The following AMPH variants were observed in gnomAD, a reference collection of about 807,000 sequenced individuals.
AMPH encodes amphiphysin (Stiff-Mann syndrome with breast cancer 128kD autoantigen).
A neutral mutation model predicts 99.1 loss-of-function variants in AMPH; 49 were observed. The ratio of observed to expected loss-of-function variants is 0.49; its 90% CI spans 0.39 to 0.63. The LOEUF (loss-of-function observed/expected upper bound fraction) is 0.63. Ranked by LOEUF, AMPH falls within the 20% of genes least tolerant of loss-of-function variation. The probability of loss-of-function intolerance (pLI) is 0.00; values close to 1 mark genes in which losing one functional copy is unlikely to be tolerated. For synonymous variants in AMPH, 314 were observed against 317.3 expected, an observed-to-expected ratio of 0.99 and a Z score of 0.11; for missense variants, 759 against 863.4, an observed-to-expected ratio of 0.88 and a Z score of 1.52.
intron 2 of AMPH, among the ~76,000 whole-genome samples, chr7:38,507,308 G>C (rs1789363499): frequency 6.6e-6 from 1 of 152,084 alleles, no homozygotes; most frequent in Non-Finnish European, 1.5e-5. Context: ...AAATTAAGCA[G>C]ATAAACTAAA....
At chr7:38,576,839 T>C (rs1176843167) in intron 1 of AMPH, among the ~76,000 whole-genome samples, 2 of 152,140 alleles carry the variant, frequency 1.3e-5, no homozygotes, top group African/African-American at 2.4e-5. Flanking sequence ...TAATCAACAG[T>C]TGTGTGACCT....
At chr7:38,616,309 C>G (rs1024235350) in intron 1 of AMPH, among the ~76,000 whole-genome samples, 3 of 151,870 alleles carry the variant, frequency 2.0e-5, no homozygotes, top group African/African-American at 7.3e-5. Context: ...CATGGGGATG[C>G]AGGAGTGAAA....
chr7:38,500,403 A>T (rs914464359), intron 3 of AMPH, among the ~76,000 whole-genome samples: 1 of 152,206 alleles, frequency 6.6e-6, no homozygotes, highest in Non-Finnish European at 1.5e-5. Flanking sequence ...TTTCTCCGTC[A>T]TATGGAGCTG....
chr7:38,442,764 C>T lies in AMPH; in HGVS notation c.1018-6376G>A, dbSNP rs371144476. 1.1e-4 allele frequency among the ~76,000 whole-genome samples: 16 copies of T among 150,992 alleles called. No individual in the cohort carries two copies. In the East Asian group the frequency reaches 2.3e-3, roughly 22 times the overall value. On this transcript the variant is annotated intron_variant, in intron 11 of 20. Coordinates refer to ENST00000356264, the MANE Select transcript of AMPH (RefSeq NM_001635.4). ...AACAAAAAGGTCCGAAATTATTAACCTCACCTTCTTTTTACCCTGAATATA... is the reference window on the plus strand; with the variant it reads ...AACAAAAAGGTCCGAAATTATTAACTTCACCTTCTTTTTACCCTGAATATA...
At chr7:38,620,336 A>ATGTGTGTGTGTGTGTG (rs3056281) in intron 1 of AMPH, among the ~76,000 whole-genome samples, 16 of 145,622 alleles carry the variant, frequency 1.1e-4, no homozygotes, top group Non-Finnish European at 2.4e-4. Flanking sequence ...AGATATATAT[A>ATGTGTGTGTGTGTGTG]TGTGTGTGTG....
chr7:38,490,275 A>G (rs964710560), intron 5 of AMPH, among the ~76,000 whole-genome samples: 1 of 152,182 alleles, frequency 6.6e-6, no homozygotes, highest in African/African-American at 2.4e-5. Context: ...TAATATGGTA[A>G]CATCATCGAA....
At chr7:38,617,215 C>T (rs1275381887) in intron 1 of AMPH, among the ~76,000 whole-genome samples, 1 of 152,140 alleles carries the variant, frequency 6.6e-6, no homozygotes, top group African/African-American at 2.4e-5. Context: ...TGATCTACAC[C>T]CAAACTCTAC....
intron 1 of AMPH, among the ~76,000 whole-genome samples, chr7:38,612,835 G>A (rs1169243734): frequency 6.6e-6 from 1 of 152,116 alleles, no homozygotes; most frequent in African/African-American, 2.4e-5. Flanking sequence ...TCCCCATTTG[G>A]TTCAAATAGA....
At position 38,394,120 on chromosome 7, in the gene AMPH, G is replaced by A; in HGVS notation, c.1493C>T (p.Thr498Ile). 1 of 1,614,196 alleles carries A rather than the reference G, an allele frequency of 6.2e-7. No homozygotes were observed. Among genetic ancestry groups the A allele is most frequent in the Non-Finnish European group, 8.5e-7 (1 of 1,180,026 alleles). The change falls in exon 18 of 21, where the codon ACT (threonine) becomes ATT (isoleucine). Residue 498 changes from threonine (T) to isoleucine (I), a missense_variant. Physicochemically the swap from Thr to Ile is moderately conservative, Grantham distance 89 (BLOSUM62 -1). Transcript: ENST00000356264. ...ACTTACTCCTTCCCCGGCAGGGACAGTGGCCTTCTCCGCCTCTGCTTCCTC... is the reference window on the plus strand; with the variant it reads ...ACTTACTCCTTCCCCGGCAGGGACAATGGCCTTCTCCGCCTCTGCTTCCTC... ...PGEEAEAEKA[T>I]VPAGEGVSLE...
rs966202104 is a variant in AMPH at position 38,577,368 on chromosome 7, G to A, written c.70-42357C>T. On this transcript the variant is annotated intron_variant, in intron 1 of 20. Transcript: ENST00000356264. Reference sequence around the variant, plus strand: ...GTTACAAGTTCTCATACGAGTCTTCGCTTCTCCATAAGCAGATGCTAAGAA... The same window carrying A: ...GTTACAAGTTCTCATACGAGTCTTCACTTCTCCATAAGCAGATGCTAAGAA... Among the ~76,000 whole-genome samples, 5 of 152,172 alleles carry A rather than the reference G, an allele frequency of 3.3e-5. No individual in the cohort carries two copies. In the East Asian group the frequency reaches 5.8e-4, roughly 18 times the overall value.
chr7:38,506,549 A>T (rs1411090260), intron 2 of AMPH, among the ~76,000 whole-genome samples: 2 of 152,122 alleles, frequency 1.3e-5, no homozygotes, highest in African/African-American at 4.8e-5. Context: ...TATAGACCCA[A>T]ACCAATCTAA....
intron 2 of AMPH, among the ~76,000 whole-genome samples, chr7:38,515,987 T>A (rs1183522511): frequency 2.0e-5 from 3 of 151,920 alleles, no homozygotes; most frequent in Admixed American, 1.3e-4. Context: ...ATGTTCAAGA[T>A]TTCACCTGGC....
At chr7:38,387,183 G>A (rs1219570674) in intron 20 of AMPH, among the ~76,000 whole-genome samples, 1 of 152,170 alleles carries the variant, frequency 6.6e-6, no homozygotes, top group Non-Finnish European at 1.5e-5. Context: ...AGAAAACAGA[G>A]TCAGACTCTT....
rs544036143 is a variant in AMPH at position 38,610,234 on chromosome 7, CA to C, written c.69+21048del. Among the ~76,000 whole-genome samples the C allele has an allele frequency of 6.2e-3, 38 of 6,128 alleles. 5 individuals are homozygous for C. Among genetic ancestry groups the C allele is most frequent in the South Asian group, 0.02 (2 of 98 alleles). 4.0% of individuals were successfully genotyped at this position (6,128 alleles called of 152,430 possible). A position where few individuals can be genotyped will look rare whatever the true frequency, so the allele number is the denominator to read the frequency against. ...CCGGGCAACAAAAGCTAAGCTCTCTCAAAAAAAAAAAAAAAAAAAAAAAAAA... is the reference window on the plus strand; with the variant it reads ...CCGGGCAACAAAAGCTAAGCTCTCTCAAAAAAAAAAAAAAAAAAAAAAAAA... On this transcript the variant is annotated intron_variant, in intron 1 of 20. Transcript: ENST00000356264.
chr7:38,448,163 G>C (rs557316905), intron 11 of AMPH, among the ~76,000 whole-genome samples: 3 of 152,124 alleles, frequency 2.0e-5, no homozygotes, highest in African/African-American at 2.4e-5. Context: ...GTTTACCTTC[G>C]TGGTTAGAAG....
At chr7:38,512,213 T>C (rs1413729604) in intron 2 of AMPH, among the ~76,000 whole-genome samples, 1 of 152,224 alleles carries the variant, frequency 6.6e-6, no homozygotes, top group African/African-American at 2.4e-5. Flanking sequence ...TTTAGATTGC[T>C]ATGCCAATGG....
intron 14 of AMPH, 47 bp from the exon 15 acceptor site, chr7:38,427,033 T>C (rs1456036424): frequency 6.5e-7 from 1 of 1,543,160 alleles, no homozygotes; most frequent in Admixed American, 1.7e-5. Context: ...TTCATTATCA[T>C]TTTGTAGGAC....
At chr7:38,408,190 A>G (rs781164262) in intron 17 of AMPH, among the ~76,000 whole-genome samples, 2 of 152,248 alleles carry the variant, frequency 1.3e-5, no homozygotes, top group Non-Finnish European at 2.9e-5. Context: ...CAAGTAAGGG[A>G]GTTCCACGGA....
intron 1 of AMPH, among the ~76,000 whole-genome samples, chr7:38,571,423 TATAGA>T: frequency 1.1e-4 from 5 of 46,164 alleles, no homozygotes; most frequent in Non-Finnish European, 1.7e-4. Flanking sequence ...TATATTTATA[TATAGA>T]ATATTTATAT....
Sources: gnomAD v4.1 joint callset for allele counts (sites outside exome capture counted in the v4.1 genomes callset) on GRCh38, gnomAD v4.1.1 for gene constraint, MANE v1.5 for transcripts, NCBI Gene and HGNC (gene_info 2026-07-23, HGNC 2026-07-21) for gene names.